The following SLC27A1 variants were observed in gnomAD, a reference collection of about 807,000 sequenced individuals.
SLC27A1 encodes long-chain fatty acid transport protein 1.
Under a neutral mutation model 62.2 loss-of-function variants are expected in SLC27A1, and 61 were observed. The observed-to-expected ratio is 0.98, with a 90% CI of 0.80 to 1.21. SLC27A1 has a LOEUF of 1.21. SLC27A1 is among the 50% of genes most tolerant of loss of function. SLC27A1 has a pLI of 0.00. For synonymous variants in SLC27A1, 435 were observed against 408.6 expected (o/e 1.06, Z -0.78); for missense variants, 903 against 932.1 (o/e 0.97, Z 0.41).
chr19:17,482,704 G>A (rs944358787), intron 1 of SLC27A1, among the ~76,000 whole-genome samples: 2 of 151,252 alleles, frequency 1.3e-5, no homozygotes, highest in African/African-American at 2.4e-5. Context: ...CGGGAGGAGG[G>A]TCTGTATCAC....
intron 7 of SLC27A1, chr19:17,497,939 A>G: frequency 5.3e-6 from 1 of 188,400 alleles, no homozygotes; most frequent in South Asian, 8.1e-5. Flanking sequence ...CCTCCCAAGT[A>G]GCAGCAAACA....
intron 1 of SLC27A1, among the ~76,000 whole-genome samples, chr19:17,485,191 C>CTTTTTTTTTTTTTTTT (rs386388659): frequency 7.6e-5 from 8 of 104,994 alleles, no homozygotes; most frequent in Non-Finnish European, 1.4e-4. Flanking sequence ...TTTTTGTTTC[C>CTTTTTTTTTTTTTTTT]TTTTTTTTTT....
Position 17,486,661 on chromosome 19 carries a change from A to T in SLC27A1, c.266A>T (p.Gln89Leu). 1 of 1,608,610 alleles carries T rather than the reference A, an allele frequency of 6.2e-7. No homozygotes were observed. The highest frequency in any genetic ancestry group is 8.5e-7 in the Non-Finnish European group (1 of 1,179,490). Residue 89 changes from glutamine to leucine, a missense_variant, in exon 2 of 12, where the codon CAG becomes CTG. Coordinates refer to ENST00000252595, the MANE Select transcript of SLC27A1 (RefSeq NM_198580.3). The surrounding 1 kb of genome is among the most constrained non-coding windows in gnomAD (Gnocchi z 6.6). ...ATCTTTCAGGCGGTAGTGCAGCGAC[A>T]GCCCGAGCGCCTGGCGCTGGTGGAT... The part of the protein sequence containing the change: ...PRIFQAVVQR[Q>L]PERLALVDAG...
chr19:17,489,199 C>A, intron 6 of SLC27A1, 82 bp downstream of exon 6: 1 of 1,158,480 alleles, frequency 8.6e-7, no homozygotes, highest in South Asian at 1.4e-5. Flanking sequence ...CACCTCCTCC[C>A]GGTGAGGCCC....
intron 1 of SLC27A1, chr19:17,484,139 G>C (rs990151222): frequency 9.9e-5 from 15 of 152,258 alleles, no homozygotes; most frequent in African/African-American, 3.6e-4. Flanking sequence ...CCAGCTGCCT[G>C]AATGAATGAA....
rs781016502 is a variant in SLC27A1 at position 17,486,479 on chromosome 19, GTC to G, written c.168-83_168-82del. The G allele has an allele frequency of 3.2e-4, 461 of 1,445,400 alleles. 1 individual carries two copies. Among genetic ancestry groups the G allele is most frequent in the Non-Finnish European group, 2.7e-4 (297 of 1,092,308 alleles). 89.5% of individuals were successfully genotyped at this position (1,445,400 alleles called of 1,614,324 possible). On this transcript the variant is annotated intron_variant, in intron 1 of 11. Transcript: ENST00000252595. The surrounding 1 kb of genome is among the most constrained non-coding windows in gnomAD (Gnocchi z 6.6). ...CATCAAAGCCCCTGGCTGCCCTGGG[GTC>G]CTCCAGCGGGGAGGCTGAGGCTCCC...
At chr19:17,503,043 G>A (rs1343237019) in intron 11 of SLC27A1, among the ~76,000 whole-genome samples, 1 of 152,128 alleles carries the variant, frequency 6.6e-6, no homozygotes, top group African/African-American at 2.4e-5. Context: ...AATGGTGGAG[G>A]GCAAGAGAGT....
At chr19:17,477,425 G>A (rs1202744269) in intron 1 of SLC27A1, among the ~76,000 whole-genome samples, 1 of 149,846 alleles carries the variant, frequency 6.7e-6, no homozygotes, top group African/African-American at 2.5e-5. Flanking sequence ...TGTATTTGTA[G>A]TAGAGACAGG....
intron 6 of SLC27A1, 51 bp from the exon 7 acceptor site, chr19:17,497,204 C>G: frequency 6.7e-7 from 1 of 1,500,946 alleles, no homozygotes; most frequent in Non-Finnish European, 9.0e-7. Flanking sequence ...CTGATCCGGG[C>G]TCCCCACCGC....
chr19:17,476,563 A>G (rs1416012812), intron 1 of SLC27A1, among the ~76,000 whole-genome samples: 1 of 151,724 alleles, frequency 6.6e-6, no homozygotes, highest in Admixed American at 6.6e-5. Context: ...AAGGAAAAAA[A>G]AAGACGCAGG....
chr19:17,492,634 A>AAC lies in SLC27A1; in HGVS notation c.996+3518_996+3519insCA, dbSNP rs1555746067. ...TCCATCTCAAAAAAAAAAAAAAAAA[A>AAC]AGAAAAAGAAATAGAGGACGGGGCC... On this transcript the variant is annotated intron_variant, in intron 6 of 11. Coordinates refer to ENST00000252595, the MANE Select transcript of SLC27A1 (RefSeq NM_198580.3). 4.6e-3 allele frequency among the ~76,000 whole-genome samples: 686 copies of AAC among 149,868 alleles called. 10 individuals are homozygous for AAC. The highest frequency in any genetic ancestry group is 0.016 in the African/African-American group (645 of 40,684).
chr19:17,485,200 T>TC (rs2075216800), intron 1 of SLC27A1, among the ~76,000 whole-genome samples: 1 of 80,780 alleles, frequency 1.2e-5, no homozygotes, highest in African/African-American at 5.3e-5. Flanking sequence ...CCTTTTTTTT[T>TC]TTTTTTTTTG....
intron 1 of SLC27A1, among the ~76,000 whole-genome samples, chr19:17,477,189 G>A (rs2075131357): frequency 6.9e-6 from 1 of 144,944 alleles, no homozygotes; most frequent in Non-Finnish European, 1.5e-5. Flanking sequence ...ATGTCTAGCT[G>A]AGAATGATTA....
rs769247313 is a variant in SLC27A1 at position 17,493,427 on chromosome 19, C to CAAA, written c.997-3808_997-3806dup. The stretch of plus-strand genomic sequence containing the variant: ...TGGGTGAGAGAGCACAACTCCATCT[C>CAAA]AAAAAAAAAAAAAAAAAAAAAACAG... On this transcript the variant is annotated intron_variant, in intron 6 of 11. Transcript: ENST00000252595. Among the ~76,000 whole-genome samples, 633 of 69,776 alleles carry CAAA rather than the reference C, an allele frequency of 9.1e-3. 13 individuals are homozygous for CAAA. Among genetic ancestry groups the CAAA allele is most frequent in the African/African-American group, 0.011 (170 of 15,320 alleles). The allele number at this position is 69,776 out of a possible 152,430, so 45.8% of individuals were successfully genotyped here.
intron 1 of SLC27A1, among the ~76,000 whole-genome samples, chr19:17,482,744 A>G (rs913394531): frequency 6.6e-6 from 1 of 151,034 alleles, no homozygotes; most frequent in Non-Finnish European, 1.5e-5. Context: ...TGGGCTTTGC[A>G]CTCAGTAGGT....
chr19:17,475,379 C>T (rs1210490087), intron 1 of SLC27A1, among the ~76,000 whole-genome samples: 2 of 152,118 alleles, frequency 1.3e-5, no homozygotes, highest in Admixed American at 6.6e-5. Context: ...CATCTCTACA[C>T]GCAAAAAATT....
chr19:17,476,248 G>T (rs1445612557), intron 1 of SLC27A1, among the ~76,000 whole-genome samples: 1 of 151,954 alleles, frequency 6.6e-6, no homozygotes, highest in Non-Finnish European at 1.5e-5. Context: ...TATACTAGGT[G>T]CTCCAGGCTG....
chr19:17,487,443 A>G lies in SLC27A1; in HGVS notation c.725-17A>G, dbSNP rs745857421. 1 of 1,582,016 alleles carries G rather than the reference A, an allele frequency of 6.3e-7. No individual in the cohort carries two copies. The highest frequency in any genetic ancestry group is 1.8e-5 in the Admixed American group (1 of 56,184). ...CCAATGCTCAGGCCCCACCCCTAAC[A>G]CCTGTATCTCCTGCAGATCGTCTTT... is the stretch of plus-strand genomic sequence containing the variant. On this transcript the variant is annotated splice_polypyrimidine_tract_variant and intron_variant, in intron 3 of 11. Transcript: ENST00000252595.
At position 17,504,884 on chromosome 19, in the gene SLC27A1, T is replaced by TTTTCTTTA; in HGVS notation, c.*279_*280insATTTCTTT. On this transcript the variant is annotated 3_prime_UTR_variant, in exon 12 of 12. Transcript: ENST00000252595. Reference sequence around the variant, plus strand: ...TGGCCTTAACTCTTCCCTCTTTTTCTTTTCTTTCTTTCTTTCTTTTTTTTT... The same window carrying TTTTCTTTA: ...TGGCCTTAACTCTTCCCTCTTTTTCTTTTCTTTATTTCTTTCTTTCTTTCTTTTTTTTT... 1 of 637,236 alleles carries TTTTCTTTA rather than the reference T, an allele frequency of 1.6e-6. No homozygotes were observed. Among genetic ancestry groups the TTTTCTTTA allele is most frequent in the African/African-American group, 1.8e-5 (1 of 55,656 alleles). The allele number at this position is 637,236 out of a possible 1,614,324, so 39.5% of individuals were successfully genotyped here.
Sources: allele counts gnomAD v4.1 joint callset (sites outside exome capture counted in the v4.1 genomes callset), GRCh38; gene constraint gnomAD v4.1.1; non-coding constraint Gnocchi (gnomAD v3.1); transcripts MANE v1.5; gene names NCBI Gene and HGNC (gene_info 2026-07-23, HGNC 2026-07-21).